Variants in RSPH14 observed in about 807,000 individuals in gnomAD.
The protein encoded by RSPH14 is rhabdoid tumor deletion region gene 1.
Under a neutral mutation model 26.7 loss-of-function variants are expected in RSPH14, and 20 were observed. The observed-to-expected ratio is 0.75, with a 90% CI of 0.53 to 1.09. The LOEUF (loss-of-function observed/expected upper bound fraction) is 1.09, where lower values mean the gene tolerates loss of function less well. Among genes scored for constraint, RSPH14 ranks in the 50% least tolerant of loss-of-function variants. The pLI is 0.00. For synonymous variants in RSPH14, 177 were observed against 189.3 expected (o/e 0.93, Z 0.53); for missense variants, 449 against 457.2 (o/e 0.98, Z 0.16).
At chr22:23,121,685 C>T (rs146199794) in intron 4 of RSPH14, among the ~76,000 whole-genome samples, 11 of 151,620 alleles carry the variant, frequency 7.3e-5, no homozygotes, top group East Asian at 1.9e-4. Flanking sequence ...TGCATTACCA[C>T]GGTCACTGGT....
chr22:23,156,782 C>T, the RSPH14 span, among the ~76,000 whole-genome samples: 1 of 152,220 alleles, frequency 6.6e-6, no homozygotes, highest in African/African-American at 2.4e-5. Context: ...CTGCCCTGGT[C>T]GCATGGCCTC....
chr22:23,157,100 G>A, the RSPH14 span, among the ~76,000 whole-genome samples: 4 of 152,188 alleles, frequency 2.6e-5, no homozygotes, highest in Non-Finnish European at 4.4e-5. Flanking sequence ...ACCGGGGTGC[G>A]GCCAGTGATG....
At chr22:23,130,118 A>AGAAAGAAG (rs2070304608) in intron 4 of RSPH14, among the ~76,000 whole-genome samples, 1 of 114,760 alleles carries the variant, frequency 8.7e-6, no homozygotes, top group Non-Finnish European at 1.9e-5. Context: ...AAAGAAAGAA[A>AGAAAGAAG]GAAAGAAAGA....
chr22:23,059,514 G>T lies in RSPH14; in HGVS notation c.995C>A (p.Ala332Asp). The change falls in exon 7 of 7, where the codon GCC becomes GAC. Residue 332 changes from alanine (A) to aspartate (D), a missense_variant. Transcript: ENST00000216036. ...GGCGATCCGGGCTGCCCGCTGTAAGGCTTCGGCCACTTGAGGCTTTTCGTA... is the reference window on the plus strand; with the variant it reads ...GGCGATCCGGGCTGCCCGCTGTAAGTCTTCGGCCACTTGAGGCTTTTCGTA... ...ETYEKPQVAE[A>D]LQRAARIAIS... 2 of 1,614,140 alleles carry T rather than the reference G, an allele frequency of 1.2e-6. No homozygotes were observed. The highest frequency in any genetic ancestry group is 1.7e-6 in the Non-Finnish European group (2 of 1,179,972).
intron 6 of RSPH14, among the ~76,000 whole-genome samples, chr22:23,061,026 G>C (rs921893258): frequency 1.3e-5 from 2 of 152,146 alleles, no homozygotes; most frequent in Non-Finnish European, 2.9e-5. Context: ...AGTAAAAGGA[G>C]GGGCTGTGGA....
intron 4 of RSPH14, among the ~76,000 whole-genome samples, chr22:23,102,500 C>T (rs1188156790): frequency 6.6e-6 from 1 of 152,364 alleles, no homozygotes. Context: ...TTTCTTAGCC[C>T]GCCTTGTGCA....
chr22:23,070,043 G>A (rs184054959), intron 4 of RSPH14, among the ~76,000 whole-genome samples: 61 of 152,272 alleles, frequency 4.0e-4, no homozygotes, highest in African/African-American at 1.3e-3. Context: ...GGCCCCTGGG[G>A]CTCGGCTACC....
chr22:23,118,472 G>A (rs991832091), intron 4 of RSPH14, among the ~76,000 whole-genome samples: 2 of 141,930 alleles, frequency 1.4e-5, no homozygotes, highest in Admixed American at 7.0e-5. Flanking sequence ...CCTCTTCCCC[G>A]CCCCGCCCCA....
the RSPH14 span, among the ~76,000 whole-genome samples, chr22:23,164,738 C>G: frequency 6.6e-6 from 1 of 152,100 alleles, no homozygotes; most frequent in Non-Finnish European, 1.5e-5. Flanking sequence ...TTCCCTGGAC[C>G]CTTTCCTGCT....
At chr22:23,095,956 C>A (rs1159115832) in intron 4 of RSPH14, 2 of 1,612,358 alleles carry the variant, frequency 1.2e-6, no homozygotes, top group East Asian at 4.5e-5. Flanking sequence ...TCATCCGGGC[C>A]CTGGCCGCCC....
chr22:23,106,081 T>C (rs996197459), intron 4 of RSPH14, among the ~76,000 whole-genome samples: 1 of 152,214 alleles, frequency 6.6e-6, no homozygotes, highest in Non-Finnish European at 1.5e-5. Flanking sequence ...TTGAGCATTG[T>C]TAAGGCACCA....
At chr22:23,116,578 TC>T (rs1302107391) in intron 4 of RSPH14, among the ~76,000 whole-genome samples, 5 of 152,206 alleles carry the variant, frequency 3.3e-5, no homozygotes, top group Non-Finnish European at 7.3e-5. Flanking sequence ...CACTCTGGGC[TC>T]CTCAGGGAGC....
At chr22:23,161,019 G>T in the RSPH14 span, 86 of 1,581,824 alleles carry the variant, frequency 5.4e-5, no homozygotes, top group South Asian at 7.9e-4. Flanking sequence ...GTGTGACTGG[G>T]TTGGGCTGGG....
At chr22:23,066,103 G>T (rs1054294859) in intron 4 of RSPH14, among the ~76,000 whole-genome samples, 13 of 152,140 alleles carry the variant, frequency 8.5e-5, no homozygotes, top group African/African-American at 2.9e-4. Context: ...GCGACAATTT[G>T]ACCTTCTGTT....
chr22:23,123,472 C>T (rs374086219), intron 4 of RSPH14: 24 of 1,376,658 alleles, frequency 1.7e-5, no homozygotes, highest in African/African-American at 7.1e-5. Context: ...GTGAAACCCA[C>T]GGGGTGTCAT....
intron 4 of RSPH14, among the ~76,000 whole-genome samples, chr22:23,115,732 G>T (rs2069812573): frequency 6.6e-6 from 1 of 152,212 alleles, no homozygotes; most frequent in Non-Finnish European, 1.5e-5. Flanking sequence ...GGGGGCCGGG[G>T]CTCATGTTTG....
chr22:23,060,747 C>T (rs867244988), intron 6 of RSPH14, among the ~76,000 whole-genome samples: 10 of 152,150 alleles, frequency 6.6e-5, no homozygotes, highest in African/African-American at 2.4e-4. Flanking sequence ...GTTTGCCCCA[C>T]CCATGCTGGG....
chr22:23,173,004 G>A, the RSPH14 span, among the ~76,000 whole-genome samples: 2 of 2,964 alleles, frequency 6.7e-4, no homozygotes, highest in South Asian at 0.019. Flanking sequence ...AGCCTTTTCA[G>A]AATAGTGTCT....
intron 4 of RSPH14, among the ~76,000 whole-genome samples, chr22:23,116,463 G>GC (rs1387022505): frequency 1.3e-5 from 2 of 152,218 alleles, no homozygotes; most frequent in Non-Finnish European, 2.9e-5. Flanking sequence ...CTCCCACCCG[G>GC]CCCAGTCCCT....
Sources: gnomAD v4.1 joint callset for allele counts (sites outside exome capture counted in the v4.1 genomes callset) on GRCh38, gnomAD v4.1.1 for gene constraint, MANE v1.5 for transcripts, NCBI Gene and HGNC (gene_info 2026-07-23, HGNC 2026-07-21) for gene names.